FAM171A1: variants seen among roughly 807,000 people sequenced by gnomAD.
The protein encoded by FAM171A1 is protein FAM171A1.
FAM171A1 carries 23 observed loss-of-function variants against 74.9 expected under a neutral mutation model. The observed-to-expected ratio is 0.31, with a 90% CI of 0.22 to 0.44. The LOEUF (loss-of-function observed/expected upper bound fraction) is 0.44, where lower values mean the gene tolerates loss of function less well. FAM171A1 is among the 20% of genes least tolerant of loss of function. The pLI is 1.00. For synonymous variants in FAM171A1, 527 were observed against 505.7 expected (o/e 1.04, Z -0.57); for missense variants, 1,162 against 1,159.2 (o/e 1.00, Z -0.03).
At chr10:15,333,377 G>A (rs139301817) in intron 1 of FAM171A1, among the ~76,000 whole-genome samples, 120 of 152,336 alleles carry the variant, frequency 7.9e-4, no homozygotes, top group African/African-American at 2.5e-3. Context: ...GCGTGTGCCT[G>A]TAATCCCAGT....
intron 5 of FAM171A1, among the ~76,000 whole-genome samples, chr10:15,225,499 C>CA (rs1450437410): frequency 6.6e-6 from 1 of 152,162 alleles, no homozygotes; most frequent in Non-Finnish European, 1.5e-5. Context: ...AAATAAGCTC[C>CA]AGGGAGTATG....
chr10:15,325,255 G>A (rs1232614782), intron 1 of FAM171A1, among the ~76,000 whole-genome samples: 2 of 152,178 alleles, frequency 1.3e-5, no homozygotes, highest in Admixed American at 1.3e-4. Flanking sequence ...CAGCACTTTG[G>A]CAGGCCGAGG....
At chr10:15,259,163 T>C (rs1834623916) in intron 3 of FAM171A1, among the ~76,000 whole-genome samples, 1 of 152,192 alleles carries the variant, frequency 6.6e-6, no homozygotes, top group Non-Finnish European at 1.5e-5. Flanking sequence ...ATTCTCCCTA[T>C]CTATCATCCT....
intron 1 of FAM171A1, among the ~76,000 whole-genome samples, chr10:15,370,560 G>A (rs1836128324): frequency 6.6e-6 from 1 of 152,022 alleles, no homozygotes; most frequent in Non-Finnish European, 1.5e-5. Context: ...AGCCGGGAGC[G>A]CGATCGGGCG....
chr10:15,281,140 G>C (rs1834963328), intron 2 of FAM171A1, among the ~76,000 whole-genome samples: 1 of 152,116 alleles, frequency 6.6e-6, no homozygotes, highest in Non-Finnish European at 1.5e-5. Flanking sequence ...TCTTCCTCCT[G>C]TTCTGGCCAT....
chr10:15,348,070 T>C (rs1835837378), intron 1 of FAM171A1, among the ~76,000 whole-genome samples: 1 of 152,000 alleles, frequency 6.6e-6, no homozygotes, highest in Non-Finnish European at 1.5e-5. Context: ...CACCACTTTC[T>C]GGGTTCAAGC....
chr10:15,341,481 T>C (rs995527618), intron 1 of FAM171A1, among the ~76,000 whole-genome samples: 1 of 152,226 alleles, frequency 6.6e-6, no homozygotes. Context: ...TTGCTGGCAA[T>C]AGCCACTGTT....
chr10:15,229,454 TCATTGTCAC>T (rs1834155570), intron 5 of FAM171A1, among the ~76,000 whole-genome samples: 1 of 146,452 alleles, frequency 6.8e-6, no homozygotes, highest in Non-Finnish European at 1.5e-5. Context: ...GTCACCACCA[TCATTGTCAC>T]CATCATCACC....
chr10:15,363,879 T>C (rs1344051285), intron 1 of FAM171A1, among the ~76,000 whole-genome samples: 1 of 152,160 alleles, frequency 6.6e-6, no homozygotes, highest in Admixed American at 6.5e-5. Context: ...TGTCGAGGTG[T>C]TTCCACAGCG....
chr10:15,212,696 C>T lies in FAM171A1; in HGVS notation c.*219G>A. On this transcript the variant is annotated 3_prime_UTR_variant, in exon 8 of 8. Transcript: ENST00000378116. Reference sequence around the variant, plus strand: ...GACATCTGGACACCACTTTCAGCCACCTCCTTGCAGGGGCGACATCCGCCA... The same window carrying T: ...GACATCTGGACACCACTTTCAGCCATCTCCTTGCAGGGGCGACATCCGCCA... 1 of 653,348 alleles carries T rather than the reference C, an allele frequency of 1.5e-6. No homozygotes were observed. The highest frequency in any genetic ancestry group is 2.0e-5 in the South Asian group (1 of 49,056). The allele number at this position is 653,348 out of a possible 1,614,324, so 40.5% of individuals were successfully genotyped here.
At chr10:15,338,480 G>C (rs1835728552) in intron 1 of FAM171A1, among the ~76,000 whole-genome samples, 1 of 152,088 alleles carries the variant, frequency 6.6e-6, no homozygotes, top group African/African-American at 2.4e-5. Flanking sequence ...ACTTTTACCT[G>C]TATTTTACTT....
intron 1 of FAM171A1, among the ~76,000 whole-genome samples, chr10:15,295,229 C>T (rs1203016245): frequency 3.9e-5 from 6 of 152,202 alleles, no homozygotes; most frequent in East Asian, 1.9e-4. Context: ...TGAGCCACCA[C>T]GCCCGGCCAG....
chr10:15,334,608 G>C (rs527601712), intron 1 of FAM171A1, among the ~76,000 whole-genome samples: 43 of 152,296 alleles, frequency 2.8e-4, no homozygotes, highest in African/African-American at 9.1e-4. Flanking sequence ...ATAGCTCCTA[G>C]AGCAGGGGGA....
chr10:15,365,285 G>A (rs552884160), intron 1 of FAM171A1, among the ~76,000 whole-genome samples: 8 of 152,148 alleles, frequency 5.3e-5, no homozygotes, highest in South Asian at 2.1e-4. Context: ...CAGGAATGCC[G>A]GGCTGCAGAA....
chr10:15,234,961 C>T (rs1445278981), intron 5 of FAM171A1, among the ~76,000 whole-genome samples: 1 of 151,998 alleles, frequency 6.6e-6, no homozygotes, highest in Non-Finnish European at 1.5e-5. Context: ...CGTGCCGGGC[C>T]GATCAGAGGT....
At chr10:15,263,889 A>G (rs1041607234) in intron 3 of FAM171A1, among the ~76,000 whole-genome samples, 1 of 148,366 alleles carries the variant, frequency 6.7e-6, no homozygotes, top group African/African-American at 2.5e-5. Flanking sequence ...CTATCTATCT[A>G]TCTATCTATC....
At chr10:15,361,011 C>T (rs1194710473) in intron 1 of FAM171A1, among the ~76,000 whole-genome samples, 2 of 152,034 alleles carry the variant, frequency 1.3e-5, no homozygotes, top group African/African-American at 4.8e-5. Context: ...ATTATTTTTT[C>T]GATCTAAATT....
intron 1 of FAM171A1, among the ~76,000 whole-genome samples, chr10:15,303,184 C>G (rs1835253702): frequency 6.6e-6 from 1 of 151,338 alleles, no homozygotes; most frequent in Non-Finnish European, 1.5e-5. Context: ...AGCAAAGCTC[C>G]ATCTCAAAAA....
Position 15,213,152 on chromosome 10 carries a change from G to C in FAM171A1, c.2436C>G (p.Ala812=). Residue 812 remains alanine (A), a synonymous_variant, in exon 8 of 8, where the codon GCC becomes GCG. Coordinates refer to ENST00000378116, the MANE Select transcript of FAM171A1 (RefSeq NM_001010924.2). This position sits in a 1 kb window ranked among gnomAD's most constrained non-coding sequence, Gnocchi z 6.8. ...TCGACCCCTCCAACAAGCATCGCAG[G>C]GCACTGTCCTCGGGGGTACAGACCG... ...GTTVCTPEDS[A]LRCLLEGSSR... is the part of the protein sequence containing the mutation. 3.7e-6 allele frequency: 6 copies of C among 1,614,132 alleles called. No homozygotes were observed. Among genetic ancestry groups the C allele is most frequent in the Non-Finnish European group, 5.1e-6 (6 of 1,180,036 alleles).
Sources: allele counts gnomAD v4.1 joint callset (sites outside exome capture counted in the v4.1 genomes callset), GRCh38; gene constraint gnomAD v4.1.1; non-coding constraint Gnocchi (gnomAD v3.1); transcripts MANE v1.5; gene names NCBI Gene and HGNC (gene_info 2026-07-23, HGNC 2026-07-21).